The following VEGFC variants were observed in gnomAD, a reference collection of about 807,000 sequenced individuals.
VEGFC encodes FLT4 ligand DHM.
In VEGFC, 12 loss-of-function variants were observed where a neutral mutation model predicts 46.1. That is an observed-to-expected ratio of 0.26 (90% CI 0.17 to 0.42). VEGFC has a LOEUF of 0.42. VEGFC is among the 10% of genes least tolerant of loss of function. The pLI is 1.00. For missense variants in VEGFC, 488 were observed against 529.4 expected, an observed-to-expected ratio of 0.92 and a Z score of 0.77; for synonymous variants, 232 against 195.5, an observed-to-expected ratio of 1.19 and a Z score of -1.56.
At chr4:176,697,192 C>T (rs1460470122) in intron 4 of VEGFC, among the ~76,000 whole-genome samples, 3 of 151,382 alleles carry the variant, frequency 2.0e-5, no homozygotes, top group Non-Finnish European at 4.4e-5. Flanking sequence ...TCAGAGTGAA[C>T]AGGCAACCTA....
intron 1 of VEGFC, among the ~76,000 whole-genome samples, chr4:176,739,906 G>A (rs558876033): frequency 4.6e-4 from 68 of 149,016 alleles, no homozygotes; most frequent in African/African-American, 1.5e-3. Context: ...ACACTTGCAA[G>A]TCTAAATGCC....
In VEGFC at chr4:176,792,348, C is replaced by T. The variant is rs1471875457; in HGVS notation, c.-37G>A. 1 of 741,450 alleles carries T rather than the reference C, an allele frequency of 1.3e-6. No homozygotes were observed. Among genetic ancestry groups the T allele is most frequent in the Admixed American group, 3.9e-5 (1 of 25,518 alleles). The allele number at this position is 741,450 out of a possible 1,614,324, so 45.9% of individuals were successfully genotyped here. A position where few individuals can be genotyped will look rare whatever the true frequency, so the allele number is the denominator to read the frequency against. ...CGGGGGTGGGGGACCGGTCCGCTGG[C>T]GGGGGCAGGGGTGGGGGCGCGGGCG... On this transcript the variant is annotated 5_prime_UTR_variant, in exon 1 of 7. Transcript: ENST00000618562. This position sits in a 1 kb window ranked among gnomAD's most constrained non-coding sequence, Gnocchi z 6.3.
chr4:176,786,733 T>C (rs1275385637), intron 1 of VEGFC, among the ~76,000 whole-genome samples: 1 of 152,212 alleles, frequency 6.6e-6, no homozygotes, highest in Admixed American at 6.5e-5. Context: ...CTGCCACTAG[T>C]AAGAACTGAT....
At chr4:176,694,478 A>C (rs982082445) in intron 4 of VEGFC, among the ~76,000 whole-genome samples, 1 of 151,460 alleles carries the variant, frequency 6.6e-6, no homozygotes, top group African/African-American at 2.4e-5. Context: ...AGATTCATAA[A>C]GCAAGTCCTG....
chr4:176,760,996 TC>T (rs1410077783), intron 1 of VEGFC, among the ~76,000 whole-genome samples: 2 of 152,304 alleles, frequency 1.3e-5, no homozygotes, highest in Non-Finnish European at 2.9e-5. Context: ...TGGGCAAAGT[TC>T]AAAGATCCCA....
chr4:176,736,194 A>G (rs1735049947), intron 1 of VEGFC, among the ~76,000 whole-genome samples: 1 of 151,942 alleles, frequency 6.6e-6, no homozygotes, highest in African/African-American at 2.4e-5. Context: ...GGACAATGAT[A>G]GCTTTGAATT....
intron 3 of VEGFC, among the ~76,000 whole-genome samples, chr4:176,724,673 A>C (rs1222345123): frequency 1.3e-5 from 2 of 152,190 alleles, no homozygotes; most frequent in Non-Finnish European, 1.5e-5. Context: ...GTGTGTGTGC[A>C]AGGGCCCAGG....
intron 1 of VEGFC, among the ~76,000 whole-genome samples, chr4:176,769,610 C>T (rs1391147117): frequency 2.0e-5 from 3 of 152,122 alleles, no homozygotes; most frequent in African/African-American, 7.2e-5. Context: ...ATGAGAACCA[C>T]GAAAGCATGA....
At chr4:176,726,886 T>C (rs953458289) in intron 3 of VEGFC, among the ~76,000 whole-genome samples, 7 of 152,196 alleles carry the variant, frequency 4.6e-5, no homozygotes, top group African/African-American at 1.7e-4. Flanking sequence ...CAAAGAACAG[T>C]TCTGAATTTA....
intron 1 of VEGFC, among the ~76,000 whole-genome samples, chr4:176,733,917 T>TA (rs1735007973): frequency 6.6e-6 from 1 of 151,842 alleles, no homozygotes; most frequent in Admixed American, 6.6e-5. Flanking sequence ...TAAAGAACTT[T>TA]AAAAAAATAA....
At chr4:176,690,080 A>G (rs1456311999) in intron 4 of VEGFC, among the ~76,000 whole-genome samples, 1 of 152,204 alleles carries the variant, frequency 6.6e-6, no homozygotes, top group Non-Finnish European at 1.5e-5. Context: ...AAAAAATTTC[A>G]TACTGTTACT....
chr4:176,743,919 C>A (rs569093535), intron 1 of VEGFC, among the ~76,000 whole-genome samples: 11 of 152,010 alleles, frequency 7.2e-5, no homozygotes, highest in Non-Finnish European at 1.2e-4. Context: ...TAAGTCCACA[C>A]AAATTTATCA....
chr4:176,777,088 T>C (rs28584210), intron 1 of VEGFC, among the ~76,000 whole-genome samples: 16,588 of 151,492 alleles, frequency 0.11, 2,252 homozygotes, highest in African/African-American at 0.32. Context: ...CCGAGGTGGG[T>C]GGATCACAAG....
chr4:176,780,329 C>A (rs931037799), intron 1 of VEGFC, among the ~76,000 whole-genome samples: 1 of 142,392 alleles, frequency 7.0e-6, no homozygotes, highest in Non-Finnish European at 1.5e-5. Context: ...TTGCAGTGAG[C>A]CGAGATTACC....
intron 1 of VEGFC, among the ~76,000 whole-genome samples, chr4:176,733,704 A>C (rs1217832036): frequency 1.3e-5 from 2 of 151,814 alleles, no homozygotes; most frequent in Non-Finnish European, 2.9e-5. Context: ...TCTAGTTGTC[A>C]AAACTCGCTA....
chr4:176,771,693 G>A (rs187239769), intron 1 of VEGFC, among the ~76,000 whole-genome samples: 10 of 152,254 alleles, frequency 6.6e-5, no homozygotes, highest in Admixed American at 5.2e-4. Context: ...CTGTGGACAC[G>A]CCACTTGGAA....
intron 2 of VEGFC, 121 bp from the exon 3 acceptor site, chr4:176,728,089 T>A: frequency 2.8e-6 from 2 of 702,474 alleles, no homozygotes; most frequent in Non-Finnish European, 2.2e-6. Flanking sequence ...AATATATAAC[T>A]AAAGAGACAG....
chr4:176,749,667 C>T (rs565150649), intron 1 of VEGFC, among the ~76,000 whole-genome samples: 1 of 151,614 alleles, frequency 6.6e-6, no homozygotes, highest in African/African-American at 2.4e-5. Context: ...TTTTCAAGAA[C>T]ATAAAAAATA....
At position 176,792,102 on chromosome 4, in the gene VEGFC, C is replaced by T. The variant is rs1310695485; in HGVS notation, c.147+63G>A. 6.4e-6 allele frequency: 9 copies of T among 1,402,578 alleles called. No homozygotes were observed. In the East Asian group the frequency reaches 2.5e-4, roughly 39 times the overall value. 86.9% of individuals were successfully genotyped at this position (1,402,578 alleles called of 1,614,324 possible). ...ACACACTTTCCCCCGCGCAGGTTCT[C>T]GGGTCCGCCGCAGACCCTAACGCAA... On this transcript the variant is annotated intron_variant, in intron 1 of 6. Coordinates refer to ENST00000618562, the MANE Select transcript of VEGFC (RefSeq NM_005429.5). This position sits in a 1 kb window ranked among gnomAD's most constrained non-coding sequence, Gnocchi z 6.3.
Sources: gnomAD v4.1 joint callset for allele counts (sites outside exome capture counted in the v4.1 genomes callset) on GRCh38, gnomAD v4.1.1 for gene constraint, Gnocchi (gnomAD v3.1) non-coding constraint, MANE v1.5 for transcripts, NCBI Gene and HGNC (gene_info 2026-07-23, HGNC 2026-07-21) for gene names.